SHANK2: variants seen among roughly 807,000 people sequenced by gnomAD.
SHANK2 encodes SH3 and multiple ankyrin repeat domains 2.
SHANK2 carries 43 observed loss-of-function variants against 133.7 expected under a neutral mutation model. The ratio of observed to expected loss-of-function variants is 0.32; its 90% CI spans 0.25 to 0.41. The LOEUF (loss-of-function observed/expected upper bound fraction) is 0.41. Ranked by LOEUF, SHANK2 falls within the 10% of genes least tolerant of loss-of-function variation. The pLI, the probability that SHANK2 is intolerant of heterozygous loss-of-function variation, is 1.00. For synonymous variants in SHANK2, 1,017 were observed against 952.8 expected (o/e 1.07, Z -1.24); for missense variants, 1,994 against 2,235.8 (o/e 0.89, Z 2.18).
chr11:70,827,782 T>G (rs1948667991), intron 11 of SHANK2, among the ~76,000 whole-genome samples: 1 of 151,302 alleles, frequency 6.6e-6, no homozygotes, highest in African/African-American at 2.4e-5. Context: ...CACTAAAGTT[T>G]AATTCCATAT....
At chr11:70,750,431 C>T (rs1555037260) in intron 14 of SHANK2, among the ~76,000 whole-genome samples, 4 of 152,202 alleles carry the variant, frequency 2.6e-5, no homozygotes, top group African/African-American at 9.6e-5. Context: ...GAGCTGTGGT[C>T]CACACATGTG....
At chr11:70,640,446 G>A (rs2061162797) in intron 17 of SHANK2, among the ~76,000 whole-genome samples, 1 of 152,180 alleles carries the variant, frequency 6.6e-6, no homozygotes, top group African/African-American at 2.4e-5. Context: ...TGGGGAGCAG[G>A]GCCCTGCCAG....
At chr11:70,874,674 T>TGAAA (rs1555070851) in intron 11 of SHANK2, among the ~76,000 whole-genome samples, 1 of 114,220 alleles carries the variant, frequency 8.8e-6, no homozygotes, top group South Asian at 3.2e-4. Flanking sequence ...CTGCATTTAC[T>TGAAA]AAAAAAAAAA....
rs567991753 is a variant in SHANK2 at position 70,536,265 on chromosome 11, C to T, written c.2062-33334G>A. 3.9e-5 allele frequency among the ~76,000 whole-genome samples: 6 copies of T among 152,326 alleles called. No individual in the cohort carries two copies. The South Asian group carries it at 6.2e-4, about 16-fold the overall frequency. On this transcript the variant is annotated intron_variant, in intron 17 of 25. Transcript: ENST00000601538. ...CAGGGGCTGGGCCAGCTGTAAGTGG[C>T]GGGGTGTGGCGGGCTCATCACGCTT... is the stretch of plus-strand genomic sequence containing the variant.
rs1591801941 is a variant in SHANK2, at chr11:70,739,270, T to A, written c.1778-40507A>T. Among the ~76,000 whole-genome samples the A allele has an allele frequency of 1.3e-5, 2 of 152,206 alleles. No homozygotes were observed. Among genetic ancestry groups the A allele is most frequent in the Non-Finnish European group, 1.5e-5 (1 of 68,010 alleles). ...AGCCCAGACGCAGACCCGGGGCATC[T>A]CCCATCTCCACCCATCTCCACTCAT... On this transcript the variant is annotated intron_variant, in intron 14 of 25. Coordinates refer to ENST00000601538, the MANE Select transcript of SHANK2 (RefSeq NM_012309.5). This position sits in a 1 kb window ranked among gnomAD's most constrained non-coding sequence, Gnocchi z 4.3.
intron 2 of SHANK2, among the ~76,000 whole-genome samples, chr11:71,157,806 C>T (rs1555109324): frequency 6.6e-6 from 1 of 152,190 alleles, no homozygotes; most frequent in Non-Finnish European, 1.5e-5. Context: ...AACCATTCAC[C>T]GTGACCAGGA....
intron 1 of SHANK2, among the ~76,000 whole-genome samples, chr11:71,248,043 C>T (rs905613824): frequency 1.3e-5 from 2 of 152,216 alleles, no homozygotes; most frequent in Non-Finnish European, 2.9e-5. Context: ...GGCCCATCCC[C>T]GGCATATGTG....
At chr11:71,058,719 G>C (rs967598528) in intron 9 of SHANK2, among the ~76,000 whole-genome samples, 12 of 152,214 alleles carry the variant, frequency 7.9e-5, no homozygotes, top group Admixed American at 1.3e-4. Flanking sequence ...ACAGACAACA[G>C]GTGTGACCAC....
intron 14 of SHANK2, among the ~76,000 whole-genome samples, chr11:70,793,721 C>T (rs970120600): frequency 2.6e-5 from 4 of 152,192 alleles, no homozygotes; most frequent in African/African-American, 9.7e-5. Flanking sequence ...AACTCTCACA[C>T]ACTGCCGGTA....
chr11:70,613,212 C>CT (rs1357887140), intron 17 of SHANK2, among the ~76,000 whole-genome samples: 25 of 151,188 alleles, frequency 1.7e-4, no homozygotes, highest in South Asian at 4.2e-4. Flanking sequence ...TTTCTTTTTT[C>CT]TTTTTTTTTG....
intron 11 of SHANK2, among the ~76,000 whole-genome samples, chr11:70,850,599 A>G (rs1949070803): frequency 6.6e-6 from 1 of 152,176 alleles, no homozygotes; most frequent in Non-Finnish European, 1.5e-5. Context: ...GCCCGAGCTG[A>G]GCTCTCTCCC....
intron 14 of SHANK2, among the ~76,000 whole-genome samples, chr11:70,718,788 G>C (rs1326213742): frequency 6.7e-6 from 1 of 148,476 alleles, no homozygotes; most frequent in African/African-American, 2.5e-5. Flanking sequence ...CTTTCAGTGG[G>C]TTAGAAAACG....
chr11:70,773,111 C>A (rs1240098026), intron 14 of SHANK2, among the ~76,000 whole-genome samples: 1 of 152,138 alleles, frequency 6.6e-6, no homozygotes, highest in Admixed American at 6.5e-5. Context: ...AGAGCTGAAC[C>A]AGAGAGAGGC....
chr11:71,118,966 T>A lies in SHANK2; in HGVS notation c.274A>T (p.Thr92Ser). Residue 92 changes from threonine to serine, a missense_variant, in exon 4 of 26, where the codon ACC (threonine) becomes TCC (serine). By Grantham distance (58) the Thr-to-Ser change is moderately conservative. Coordinates refer to ENST00000601538, the MANE Select transcript of SHANK2 (RefSeq NM_012309.5). ...VAKQRILCTL[T>S]QSLKDVLNYG... ...TTCAGGACATCTTTCAAACTCTGGG[T>A]TAATGTACACAGGATCCGCTGCTTT... 2.6e-6 allele frequency: 4 copies of A among 1,551,642 alleles called. No individual in the cohort carries two copies. Among genetic ancestry groups the A allele is most frequent in the Non-Finnish European group, 3.5e-6 (4 of 1,146,976 alleles).
At chr11:70,782,937 T>C (rs900466209) in intron 14 of SHANK2, among the ~76,000 whole-genome samples, 9 of 152,144 alleles carry the variant, frequency 5.9e-5, no homozygotes, top group African/African-American at 1.9e-4. Context: ...CCCTCTAGAA[T>C]TCACGGACCC....
intron 2 of SHANK2, among the ~76,000 whole-genome samples, chr11:71,195,315 C>A (rs1555116039): frequency 6.6e-6 from 1 of 152,074 alleles, no homozygotes; most frequent in Non-Finnish European, 1.5e-5. Flanking sequence ...TGGCGTGAAC[C>A]CAGGAGGCAG....
chr11:70,800,196 A>T (rs554427720), intron 13 of SHANK2, among the ~76,000 whole-genome samples: 2 of 152,022 alleles, frequency 1.3e-5, no homozygotes, highest in South Asian at 4.2e-4. Flanking sequence ...TTATTATTAT[A>T]ATTACTTTTT....
At chr11:70,813,629 G>A (rs1164972255) in intron 12 of SHANK2, among the ~76,000 whole-genome samples, 1 of 152,086 alleles carries the variant, frequency 6.6e-6, no homozygotes, top group Non-Finnish European at 1.5e-5. Flanking sequence ...AGAGAAAGCT[G>A]TCAGCTCAGG....
intron 15 of SHANK2, among the ~76,000 whole-genome samples, chr11:70,662,732 C>T (rs968721443): frequency 6.6e-6 from 1 of 152,040 alleles, no homozygotes; most frequent in Non-Finnish European, 1.5e-5. Context: ...TCCAACTTTG[C>T]TCTAGTGGCC....
Sources: gnomAD v4.1 joint callset for allele counts (sites outside exome capture counted in the v4.1 genomes callset) on GRCh38, gnomAD v4.1.1 for gene constraint, Gnocchi (gnomAD v3.1) non-coding constraint, MANE v1.5 for transcripts, NCBI Gene and HGNC (gene_info 2026-07-23, HGNC 2026-07-21) for gene names.